The following ARHGAP25 variants were observed in gnomAD, a reference collection of about 807,000 sequenced individuals.
ARHGAP25 encodes the protein rho GTPase-activating protein 25.
ARHGAP25 carries 34 observed loss-of-function variants against 71.0 expected under a neutral mutation model. The ratio of observed to expected loss-of-function variants is 0.48; its 90% CI spans 0.36 to 0.64. ARHGAP25 has a LOEUF of 0.64. ARHGAP25 is among the 30% of genes least tolerant of loss of function. ARHGAP25 has a pLI of 0.00. For missense variants in ARHGAP25, 706 were observed against 805.1 expected (o/e 0.88, Z 1.49); for synonymous variants, 282 against 296.5 (o/e 0.95, Z 0.50).
At chr2:68,733,750 G>A (rs1675088490), upstream of ARHGAP25, among the ~76,000 whole-genome samples, 1 of 152,206 alleles carries the variant, frequency 6.6e-6, no homozygotes, top group East Asian at 1.9e-4. Context: ...TAAGCAAGTG[G>A]CAGGTGAAGA....
chr2:68,721,548 AC>A (rs1267718814), intron 2 of ARHGAP25, among the ~76,000 whole-genome samples: 2 of 152,252 alleles, frequency 1.3e-5, no homozygotes, highest in African/African-American at 2.4e-5. Context: ...CATTAAAGTT[AC>A]AGGTTCCCAC....
intron 1 of ARHGAP25, among the ~76,000 whole-genome samples, chr2:68,769,148 C>G (rs141835447): frequency 3.1e-4 from 47 of 152,242 alleles, no homozygotes; most frequent in Non-Finnish European, 5.7e-4. Context: ...TGGCTTTGCA[C>G]CTGGAATATT....
intron 10 of ARHGAP25, among the ~76,000 whole-genome samples, chr2:68,825,480 A>G (rs560218918): frequency 6.6e-6 from 1 of 152,238 alleles, no homozygotes; most frequent in African/African-American, 2.4e-5. Context: ...ATGACAAATG[A>G]GGGGGCTGGG....
chr2:68,793,469 C>T (rs1679331321), intron 4 of ARHGAP25, among the ~76,000 whole-genome samples: 1 of 152,018 alleles, frequency 6.6e-6, no homozygotes, highest in African/African-American at 2.4e-5. Context: ...AGAGATAGGG[C>T]TCCAGTTTCA....
chr2:68,752,044 T>A (rs4068861), intron 1 of ARHGAP25, among the ~76,000 whole-genome samples: 8 of 152,232 alleles, frequency 5.3e-5, no homozygotes, highest in Non-Finnish European at 1.2e-4. Context: ...GAATAGTTGA[T>A]TGAATTTTAG....
At chr2:68,764,023 G>T (rs535334429) in intron 1 of ARHGAP25, among the ~76,000 whole-genome samples, 1 of 152,132 alleles carries the variant, frequency 6.6e-6, no homozygotes, top group African/African-American at 2.4e-5. Context: ...CTCTCCAGCC[G>T]TTTTGCAATC....
Position 68,790,668 on chromosome 2 carries a change from C to A in ARHGAP25, c.466+2712C>A, listed in dbSNP as rs75356317. ...CTTCCCACCACCTTCACTACTACCA[C>A]CCCAAAGGAGATGGAATCCTTTCTT... is the stretch of plus-strand genomic sequence containing the variant. On this transcript the variant is annotated intron_variant, in intron 4 of 10. Coordinates refer to ENST00000409202, the MANE Select transcript of ARHGAP25 (RefSeq NM_001007231.3). Among the ~76,000 whole-genome samples the A allele has an allele frequency of 2.5e-3, 381 of 152,286 alleles. 3 individuals are homozygous for A. Among genetic ancestry groups the A allele is most frequent in the African/African-American group, 8.7e-3 (363 of 41,566 alleles).
chr2:68,801,699 C>CT (rs1679977023), intron 4 of ARHGAP25, among the ~76,000 whole-genome samples: 1 of 152,128 alleles, frequency 6.6e-6, no homozygotes, highest in South Asian at 2.1e-4. Flanking sequence ...GACTGTCTGC[C>CT]TTTGAGGGGT....
intron 1 of ARHGAP25, among the ~76,000 whole-genome samples, chr2:68,761,679 C>T (rs889693018): frequency 6.6e-6 from 1 of 152,002 alleles, no homozygotes; most frequent in African/African-American, 2.4e-5. Flanking sequence ...CGAACTACAG[C>T]GAGATAGCAA....
Position 68,775,310 on chromosome 2 carries a change from G to A in ARHGAP25, c.151G>A (p.Gly51Ser). 1 of 1,614,238 alleles carries A rather than the reference G, an allele frequency of 6.2e-7. No individual in the cohort carries two copies. Among genetic ancestry groups the A allele is most frequent in the Non-Finnish European group, 8.5e-7 (1 of 1,180,052 alleles). The change falls in exon 2 of 11, where the codon GGC becomes AGC. Residue 51 changes from glycine to serine, a missense_variant. Physicochemically the swap from Gly to Ser is moderately conservative, Grantham distance 56. Transcript: ENST00000409202. ...PNPLERPIKM[G>S]WLKKQRSIVK... Reference sequence around the variant, plus strand: ...CCCGCTGGAGAGGCCCATCAAGATGGGCTGGCTGAAGAAGCAGAGGTCCAT... The same window carrying A: ...CCCGCTGGAGAGGCCCATCAAGATGAGCTGGCTGAAGAAGCAGAGGTCCAT...
intron 1 of ARHGAP25, among the ~76,000 whole-genome samples, chr2:68,754,761 T>A (rs548386618): frequency 1.3e-5 from 2 of 152,338 alleles, no homozygotes; most frequent in African/African-American, 4.8e-5. Context: ...GTTAGTTTTT[T>A]AAAAATTTAT....
chr2:68,734,696 A>G (rs1675118004), upstream of ARHGAP25: 1 of 153,842 alleles, frequency 6.5e-6, no homozygotes, highest in Non-Finnish European at 1.4e-5. Context: ...TTTTCTCAAG[A>G]AAGAGTGCTC....
At chr2:68,755,867 A>G (rs545268068) in intron 1 of ARHGAP25, among the ~76,000 whole-genome samples, 2 of 152,224 alleles carry the variant, frequency 1.3e-5, no homozygotes, top group Non-Finnish European at 2.9e-5. Context: ...TAAGATATTT[A>G]CTATTTCTTT....
intron 1 of ARHGAP25, among the ~76,000 whole-genome samples, chr2:68,766,230 C>T (rs1329993686): frequency 6.6e-6 from 1 of 152,212 alleles, no homozygotes; most frequent in African/African-American, 2.4e-5. Flanking sequence ...AATTATCCTG[C>T]AGTCCTACCT....
intron 1 of ARHGAP25, among the ~76,000 whole-genome samples, chr2:68,743,356 TTTTTCC>T (rs574939058): frequency 7.8e-4 from 68 of 87,704 alleles, no homozygotes; most frequent in African/African-American, 2.2e-3. Flanking sequence ...GGCAGAGCAG[TTTTTCC>T]TATTAGCTCT....
chr2:68,726,560 A>G (rs1674889160), intron 2 of ARHGAP25, among the ~76,000 whole-genome samples: 1 of 152,224 alleles, frequency 6.6e-6, no homozygotes, highest in Non-Finnish European at 1.5e-5. Flanking sequence ...ACCAGCAGTA[A>G]TAATGCCCGT....
At chr2:68,789,794 G>A (rs987531491) in intron 4 of ARHGAP25, among the ~76,000 whole-genome samples, 6 of 152,130 alleles carry the variant, frequency 3.9e-5, no homozygotes, top group South Asian at 2.1e-4. Flanking sequence ...GAGCCTTGCC[G>A]TAGTGAACTG....
At chr2:68,734,593 A>G (rs753792602), upstream of ARHGAP25, among the ~76,000 whole-genome samples, 4 of 152,244 alleles carry the variant, frequency 2.6e-5, no homozygotes, top group Non-Finnish European at 5.9e-5. Context: ...GTTGAAGTAG[A>G]TGATGGGAGT....
intron 2 of ARHGAP25, among the ~76,000 whole-genome samples, chr2:68,711,392 A>G (rs1674477419): frequency 6.6e-6 from 1 of 152,006 alleles, no homozygotes; most frequent in Non-Finnish European, 1.5e-5. Context: ...ATTAGTATTT[A>G]TTTTCATTTT....
Sources: gnomAD v4.1 joint callset for allele counts (sites outside exome capture counted in the v4.1 genomes callset) on GRCh38, gnomAD v4.1.1 for gene constraint, MANE v1.5 for transcripts, NCBI Gene and HGNC (gene_info 2026-07-23, HGNC 2026-07-21) for gene names.